Variants in BIRC6 observed in about 807,000 individuals in gnomAD.
The protein encoded by BIRC6 is baculoviral IAP repeat containing 6.
Under a neutral mutation model 503.3 loss-of-function variants are expected in BIRC6, and 98 were observed. That is an observed-to-expected ratio of 0.19 (90% CI 0.17 to 0.23). The LOEUF is 0.23. BIRC6 is among the 10% of genes least tolerant of loss of function. BIRC6 has a pLI of 1.00. For synonymous variants in BIRC6, 2,240 were observed against 2,078.7 expected (o/e 1.08, Z -2.11); for missense variants, 5,360 against 5,806.0 (o/e 0.92, Z 2.50).
chr2:32,541,906 T>C (rs1185095479), intron 61 of BIRC6, among the ~76,000 whole-genome samples: 2 of 152,146 alleles, frequency 1.3e-5, no homozygotes, highest in Non-Finnish European at 2.9e-5. Context: ...GCAAATCTTA[T>C]TCAGCTTTTG....
intron 8 of BIRC6, among the ~76,000 whole-genome samples, chr2:32,405,229 A>G (rs2149803421): frequency 6.6e-6 from 1 of 152,058 alleles, no homozygotes; most frequent in South Asian, 2.1e-4. Flanking sequence ...TCTTCTTGGG[A>G]TTCATTTTTA....
Position 32,373,728 on chromosome 2 carries a change from C to G in BIRC6, c.326-3860C>G, listed in dbSNP as rs994418792. On this transcript the variant is annotated intron_variant, in intron 1 of 73. Transcript: ENST00000421745. ...ATAGAATTACCATATGATCGCTGTT[C>G]TGTTTCTGGGTGTGTACCTCAAAGA... Among the ~76,000 whole-genome samples, 12 of 152,266 alleles carry G rather than the reference C, an allele frequency of 7.9e-5. No individual in the cohort carries two copies. The East Asian group carries it at 2.3e-3, about 29-fold the overall frequency.
intron 61 of BIRC6, among the ~76,000 whole-genome samples, chr2:32,534,334 A>C (rs1230090540): frequency 6.9e-6 from 1 of 144,206 alleles, no homozygotes; most frequent in Non-Finnish European, 1.5e-5. Flanking sequence ...AGATGGCTTC[A>C]TTGCACTCAA....
chr2:32,498,025 A>C (rs1025749383), intron 45 of BIRC6, among the ~76,000 whole-genome samples: 4 of 152,168 alleles, frequency 2.6e-5, no homozygotes, highest in Admixed American at 1.3e-4. Flanking sequence ...AGCAACTTTT[A>C]AAATAATTTC....
At chr2:32,418,807 G>C (rs2042639751) in intron 10 of BIRC6, among the ~76,000 whole-genome samples, 1 of 152,164 alleles carries the variant, frequency 6.6e-6, no homozygotes, top group African/African-American at 2.4e-5. Context: ...TATTGGCCAG[G>C]TGTGGTGGTG....
chr2:32,508,274 TCC>T lies in BIRC6; in HGVS notation c.9980+16_9980+17del, dbSNP rs1491201102. ...TCCAAAACAAGGTATGTTTTGTTTGTCCTTTTTTTTTTTTTTTTTTTTTTTTT... is the reference window on the plus strand; with the variant it reads ...TCCAAAACAAGGTATGTTTTGTTTGTTTTTTTTTTTTTTTTTTTTTTTTTT... On this transcript the variant is annotated intron_variant, in intron 51 of 73. Coordinates refer to ENST00000421745, the MANE Select transcript of BIRC6 (RefSeq NM_016252.4). 1.1e-5 allele frequency: 15 copies of T among 1,378,096 alleles called. No individual in the cohort carries two copies. Among genetic ancestry groups the T allele is most frequent in the East Asian group, 5.4e-5 (2 of 36,750 alleles). 85.4% of individuals were successfully genotyped at this position (1,378,096 alleles called of 1,614,324 possible).
At chr2:32,460,091 T>A (rs1368963944) in intron 23 of BIRC6, among the ~76,000 whole-genome samples, 1 of 147,678 alleles carries the variant, frequency 6.8e-6, no homozygotes, top group Non-Finnish European at 1.5e-5. Context: ...CTATATGTTG[T>A]TGAATAGAAA....
At chr2:32,591,638 C>T (rs1244729175) in intron 66 of BIRC6, among the ~76,000 whole-genome samples, 1 of 152,200 alleles carries the variant, frequency 6.6e-6, no homozygotes, top group Non-Finnish European at 1.5e-5. Flanking sequence ...TATCTTCCTT[C>T]TCTGCAAGAT....
rs570099932 is a variant in BIRC6 at position 32,548,060 on chromosome 2, T to C, written c.12975+46T>C. 4 of 1,463,796 alleles carry C rather than the reference T, an allele frequency of 2.7e-6. No homozygotes were observed. In the East Asian group the frequency reaches 7.3e-5, roughly 27 times the overall value. 90.7% of individuals were successfully genotyped at this position (1,463,796 alleles called of 1,614,324 possible). A position where few individuals can be genotyped will look rare whatever the true frequency, so the allele number is the denominator to read the frequency against. On this transcript the variant is annotated intron_variant, in intron 64 of 73. Coordinates refer to ENST00000421745, the MANE Select transcript of BIRC6 (RefSeq NM_016252.4). ...TTGTTCATGATAATGGCTTTTTTTT[T>C]GTATTTATTATTTTAAAATATTGAT...
intron 62 of BIRC6, among the ~76,000 whole-genome samples, chr2:32,544,514 T>A (rs2057915029): frequency 6.6e-6 from 1 of 150,386 alleles, no homozygotes; most frequent in Non-Finnish European, 1.5e-5. Context: ...GCATTTTCAC[T>A]TACTATTTAT....
At chr2:32,545,079 A>T (rs546031700) in intron 62 of BIRC6, among the ~76,000 whole-genome samples, 42 of 152,232 alleles carry the variant, frequency 2.8e-4, no homozygotes, top group Non-Finnish European at 5.4e-4. Context: ...CTGTAATTTC[A>T]CACTATTTTT....
At position 32,508,261 on chromosome 2, in the gene BIRC6, TATG is replaced by T; in HGVS notation, c.9980+3_9980+5del. 6.6e-7 allele frequency: 1 copy of T among 1,505,228 alleles called. No homozygotes were observed. Among genetic ancestry groups the T allele is most frequent in the Non-Finnish European group, 8.9e-7 (1 of 1,124,512 alleles). 93.2% of individuals were successfully genotyped at this position (1,505,228 alleles called of 1,614,324 possible). On this transcript the variant is annotated splice_donor_5th_base_variant and intron_variant, in intron 51 of 73. Coordinates refer to ENST00000421745, the MANE Select transcript of BIRC6 (RefSeq NM_016252.4). ...TGAAGATCAGGTATCCAAAACAAGG[TATG>T]TTTTGTTTGTCCTTTTTTTTTTTTT...
intron 23 of BIRC6, among the ~76,000 whole-genome samples, chr2:32,454,577 T>C (rs890437695): frequency 6.6e-6 from 1 of 152,226 alleles, no homozygotes; most frequent in African/African-American, 2.4e-5. Flanking sequence ...GATTGGTTTA[T>C]GATTTTATAT....
chr2:32,479,078 G>A (rs1360490052), intron 36 of BIRC6, among the ~76,000 whole-genome samples: 1 of 152,194 alleles, frequency 6.6e-6, no homozygotes, highest in Non-Finnish European at 1.5e-5. Flanking sequence ...GAGCTAGCCT[G>A]CTTTATTATT....
chr2:32,601,506 G>T (rs900122051), intron 70 of BIRC6, among the ~76,000 whole-genome samples: 1 of 152,190 alleles, frequency 6.6e-6, no homozygotes, highest in Non-Finnish European at 1.5e-5. Context: ...GCTTGAACCC[G>T]GGAGGCGGAG....
intron 10 of BIRC6, among the ~76,000 whole-genome samples, chr2:32,427,308 G>A (rs1558693380): frequency 1.3e-5 from 2 of 151,316 alleles, no homozygotes; most frequent in African/African-American, 4.9e-5. Context: ...TTGAGACAAA[G>A]TCTTGCTCTT....
At chr2:32,461,774 A>G (rs968233581) in intron 23 of BIRC6, among the ~76,000 whole-genome samples, 2 of 152,106 alleles carry the variant, frequency 1.3e-5, no homozygotes, top group African/African-American at 4.8e-5. Context: ...TCCACTACCT[A>G]TGAGCAAATT....
intron 54 of BIRC6, among the ~76,000 whole-genome samples, chr2:32,513,745 C>T (rs1355197488): frequency 6.6e-6 from 1 of 152,142 alleles, no homozygotes; most frequent in African/African-American, 2.4e-5. Flanking sequence ...CCCGTCTCTA[C>T]TAAAAATAGA....
intron 65 of BIRC6, among the ~76,000 whole-genome samples, chr2:32,555,351 C>T (rs2058698848): frequency 6.6e-6 from 1 of 152,100 alleles, no homozygotes; most frequent in South Asian, 2.1e-4. Context: ...CTATTAAAAA[C>T]TAAAATAGGC....
Sources: allele counts gnomAD v4.1 joint callset (sites outside exome capture counted in the v4.1 genomes callset), GRCh38; gene constraint gnomAD v4.1.1; transcripts MANE v1.5; gene names NCBI Gene and HGNC (gene_info 2026-07-23, HGNC 2026-07-21).